Variants in LITAF observed in about 807,000 individuals in gnomAD.
The protein encoded by LITAF is lipopolysaccharide-induced tumor necrosis factor-alpha factor.
In LITAF, 9 loss-of-function variants were observed where a neutral mutation model predicts 14.5. That is an observed-to-expected ratio of 0.62 (90% CI 0.37 to 1.08). The LOEUF (loss-of-function observed/expected upper bound fraction) is 1.08. Among genes scored for constraint, LITAF ranks in the 50% least tolerant of loss-of-function variants. LITAF has a pLI of 0.01. For synonymous variants in LITAF, 98 were observed against 88.2 expected, an observed-to-expected ratio of 1.11 and a Z score of -0.62; for missense variants, 206 against 213.4, an observed-to-expected ratio of 0.97 and a Z score of 0.22.
upstream of LITAF, among the ~76,000 whole-genome samples, chr16:11,588,515 GAGAA>G (rs1309209708): frequency 8.5e-6 from 1 of 117,110 alleles, no homozygotes; most frequent in Non-Finnish European, 1.8e-5. Context: ...AGAGGGAAAA[GAGAA>G]AGAAAAAAAA....
At chr16:11,575,193 G>A (rs2064611969) in intron 1 of LITAF, among the ~76,000 whole-genome samples, 1 of 152,116 alleles carries the variant, frequency 6.6e-6, no homozygotes, top group Non-Finnish European at 1.5e-5. Context: ...TGAGAGATGT[G>A]GACCCTCCCT....
In LITAF at chr16:11,553,115, A is replaced by G. The variant is rs960234570; in HGVS notation, c.377+418T>C. Among the ~76,000 whole-genome samples, 1 of 151,178 alleles carries G rather than the reference A, an allele frequency of 6.6e-6. No homozygotes were observed. Among genetic ancestry groups the G allele is most frequent in the African/African-American group, 2.4e-5 (1 of 41,038 alleles). ...GGGCAACAGAGTGAGAATCCATCAC[A>G]AAAAAAGAAAGAAATGCCTTAGGCC... On this transcript the variant is annotated intron_variant, in intron 3 of 3. Coordinates refer to ENST00000622633, the MANE Select transcript of LITAF (RefSeq NM_001136472.2). This position sits in a 1 kb window ranked among gnomAD's most constrained non-coding sequence, Gnocchi z 7.7.
intron 3 of LITAF, among the ~76,000 whole-genome samples, chr16:11,613,559 GCCCCTGC>G (rs1480561920): frequency 6.6e-6 from 1 of 152,216 alleles, no homozygotes; most frequent in Non-Finnish European, 1.5e-5. Context: ...GGAGGGTGGG[GCCCCTGC>G]TGATTCAAAC....
intron 1 of LITAF, among the ~76,000 whole-genome samples, chr16:11,569,632 C>T (rs148286927): frequency 4.5e-4 from 69 of 152,236 alleles, no homozygotes; most frequent in African/African-American, 1.3e-3. Flanking sequence ...GCGTGGACTA[C>T]GGCCTGGTCA....
At chr16:11,575,828 A>G (rs942261757) in intron 1 of LITAF, among the ~76,000 whole-genome samples, 1 of 152,162 alleles carries the variant, frequency 6.6e-6, no homozygotes, top group Non-Finnish European at 1.5e-5. Flanking sequence ...AGCCTCTGTA[A>G]ACATTCCCCC....
chr16:11,623,152 C>T (rs1209458762), intron 3 of LITAF, among the ~76,000 whole-genome samples: 4 of 151,030 alleles, frequency 2.6e-5, no homozygotes, highest in Middle Eastern at 3.4e-3. Context: ...TTAGTAGAGA[C>T]GGGTTTCACT....
At chr16:11,601,625 G>A (rs1359662730), upstream of LITAF, among the ~76,000 whole-genome samples, 2 of 152,028 alleles carry the variant, frequency 1.3e-5, no homozygotes, top group African/African-American at 2.4e-5. Flanking sequence ...GCTGGAGTGC[G>A]GTGGTGTGAT....
At chr16:11,615,654 T>C (rs1440252903) in intron 3 of LITAF, among the ~76,000 whole-genome samples, 1 of 151,946 alleles carries the variant, frequency 6.6e-6, no homozygotes. Flanking sequence ...GGAGACAGAG[T>C]GAGACTATGT....
chr16:11,603,928 T>C (rs981064688), intron 3 of LITAF, among the ~76,000 whole-genome samples: 1 of 151,862 alleles, frequency 6.6e-6, no homozygotes, highest in African/African-American at 2.4e-5. Flanking sequence ...GCGCCTGTAG[T>C]CCCAGCTACT....
intron 3 of LITAF, among the ~76,000 whole-genome samples, chr16:11,633,028 C>T (rs1262729690): frequency 6.6e-6 from 1 of 152,148 alleles, no homozygotes. Context: ...TCTTGGAGGC[C>T]CTACTTTGGG....
intron 3 of LITAF, among the ~76,000 whole-genome samples, chr16:11,631,696 C>T (rs72781061): frequency 1.7e-3 from 257 of 151,388 alleles, no homozygotes; most frequent in Non-Finnish European, 3.0e-3. Context: ...AGTCACCACA[C>T]GGACGCCTTC....
intron 1 of LITAF, among the ~76,000 whole-genome samples, chr16:11,595,173 C>T (rs1181160041): frequency 6.6e-6 from 1 of 152,142 alleles, no homozygotes; most frequent in African/African-American, 2.4e-5. Context: ...ACATGTTTCC[C>T]ACATACATCA....
chr16:11,607,819 A>G (rs2064962511), intron 3 of LITAF, among the ~76,000 whole-genome samples: 2 of 152,164 alleles, frequency 1.3e-5, no homozygotes, highest in African/African-American at 4.8e-5. Context: ...CCTGTGCATC[A>G]TGGAAGGTTT....
intron 1 of LITAF, among the ~76,000 whole-genome samples, chr16:11,563,774 TGA>T (rs1357076072): frequency 1.3e-5 from 2 of 152,054 alleles, no homozygotes; most frequent in Non-Finnish European, 2.9e-5. Context: ...AATGAAATTC[TGA>T]GAGAGCTCAG....
intron 3 of LITAF, among the ~76,000 whole-genome samples, chr16:11,620,632 C>G (rs1046210506): frequency 2.6e-5 from 4 of 152,214 alleles, no homozygotes; most frequent in African/African-American, 9.6e-5. Flanking sequence ...CTGTGGCCAG[C>G]CCACTTTCCC....
intron 1 of LITAF, among the ~76,000 whole-genome samples, chr16:11,582,578 A>G (rs530846912): frequency 2.0e-4 from 31 of 152,304 alleles, no homozygotes; most frequent in Admixed American, 2.0e-3. Context: ...CAGCCCCCAG[A>G]AAAGAAACAC....
At chr16:11,554,899 C>T (rs11646946) in intron 2 of LITAF, among the ~76,000 whole-genome samples, 70,593 of 151,570 alleles carry the variant, frequency 0.47, 16,935 homozygotes, top group Admixed American at 0.6. Context: ...TTCCTTTTTA[C>T]GTTAGAATGT....
chr16:11,564,753 C>T (rs542742842), intron 1 of LITAF, among the ~76,000 whole-genome samples: 8 of 152,030 alleles, frequency 5.3e-5, no homozygotes, highest in African/African-American at 1.4e-4. Flanking sequence ...CTGATCATTC[C>T]GGCTCCACGA....
At position 11,548,674 on chromosome 16, in the gene LITAF, T is replaced by C. The variant is rs1163263160; in HGVS notation, c.*963A>G. 2.2e-6 allele frequency: 1 copy of C among 453,750 alleles called. No individual in the cohort carries two copies. The highest frequency in any genetic ancestry group is 2.4e-5 in the Admixed American group (1 of 42,508). 28.1% of individuals were successfully genotyped at this position (453,750 alleles called of 1,614,324 possible). A position where few individuals can be genotyped will look rare whatever the true frequency, so the allele number is the denominator to read the frequency against. ...TTACAGAAAATGGTTTTATAAATCC[T>C]CCTCTTGAAATTATGTTCAGGCCCA... On this transcript the variant is annotated 3_prime_UTR_variant, in exon 4 of 4. Coordinates refer to ENST00000622633, the MANE Select transcript of LITAF (RefSeq NM_001136472.2).
Sources: allele counts gnomAD v4.1 joint callset (sites outside exome capture counted in the v4.1 genomes callset), GRCh38; gene constraint gnomAD v4.1.1; non-coding constraint Gnocchi (gnomAD v3.1); transcripts MANE v1.5; gene names NCBI Gene and HGNC (gene_info 2026-07-23, HGNC 2026-07-21).